The following DAAM2 variants were observed in gnomAD, a reference collection of about 807,000 sequenced individuals.
DAAM2 encodes dishevelled associated activator of morphogenesis 2.
In DAAM2, 39 loss-of-function variants were observed where a neutral mutation model predicts 120.7. That is an observed-to-expected ratio of 0.32 (90% CI 0.25 to 0.42). DAAM2 has a LOEUF of 0.42. DAAM2 is among the 10% of genes least tolerant of loss of function. The pLI, the probability that DAAM2 is intolerant of heterozygous loss-of-function variation, is 1.00. For synonymous variants in DAAM2, 488 were observed against 524.9 expected (o/e 0.93, Z 0.96); for missense variants, 1,283 against 1,401.7 (o/e 0.92, Z 1.35).
chr6:39,887,752 T>G, intron 16 of DAAM2, 160 bp downstream of exon 16: 1 of 578,798 alleles, frequency 1.7e-6, no homozygotes. Flanking sequence ...GAGCAGCAGT[T>G]TGGGGCTCTG....
At chr6:39,806,288 A>G (rs1762008129) in intron 1 of DAAM2, among the ~76,000 whole-genome samples, 3 of 152,184 alleles carry the variant, frequency 2.0e-5, no homozygotes, top group Admixed American at 2.0e-4. Flanking sequence ...GACATTGTGG[A>G]GTCTCCTTCC....
intron 1 of DAAM2, among the ~76,000 whole-genome samples, chr6:39,809,259 G>T (rs185757248): frequency 6.6e-6 from 1 of 152,184 alleles, no homozygotes; most frequent in Admixed American, 6.5e-5. Context: ...TAGCAGAAAC[G>T]TAATGGGGGA....
At chr6:39,864,359 G>A (rs937892448) in intron 3 of DAAM2, 74 bp from the exon 4 acceptor site, 23 of 1,170,544 alleles carry the variant, frequency 2.0e-5, no homozygotes, top group Non-Finnish European at 2.4e-5. Context: ...CTGCTGACAC[G>A]GAATGAAGCT....
chr6:39,897,172 C>A lies in DAAM2; in HGVS notation c.2511-3C>A. ...TTACCACTGACCTGACTTTCATCCA[C>A]AGAAACATCTCTCTGCTCCATTACC... On this transcript the variant is annotated splice_polypyrimidine_tract_variant and splice_region_variant and intron_variant, in intron 20 of 24. Transcript: ENST00000274867. The A allele has an allele frequency of 6.2e-7, 1 of 1,610,332 alleles. No homozygotes were observed. Among genetic ancestry groups the A allele is most frequent in the Non-Finnish European group, 8.5e-7 (1 of 1,176,724 alleles).
chr6:39,871,439 G>T, intron 8 of DAAM2, 67 bp from the exon 9 acceptor site: 6 of 1,442,076 alleles, frequency 4.2e-6, no homozygotes, highest in Non-Finnish European at 5.7e-6. Flanking sequence ...CGAAGGGGCT[G>T]TAACCCTCAA....
chr6:39,893,668 G>A (rs1765886892), intron 19 of DAAM2, among the ~76,000 whole-genome samples: 1 of 152,202 alleles, frequency 6.6e-6, no homozygotes, highest in Non-Finnish European at 1.5e-5. Flanking sequence ...TAATTGCTCT[G>A]TATAGCAATG....
chr6:39,833,157 T>G (rs2114212058), intron 1 of DAAM2, among the ~76,000 whole-genome samples: 1 of 152,288 alleles, frequency 6.6e-6, no homozygotes, highest in South Asian at 2.1e-4. Flanking sequence ...AACCACCCCC[T>G]CCTCTCTTCT....
intron 3 of DAAM2, 184 bp downstream of exon 3, chr6:39,861,201 AG>A (rs752111198): frequency 1.5e-6 from 1 of 682,064 alleles, no homozygotes; most frequent in South Asian, 1.5e-5. Context: ...TTACACTCAA[AG>A]AAATAGGATT....
chr6:39,828,886 A>T (rs778516638), intron 1 of DAAM2, among the ~76,000 whole-genome samples: 5 of 152,176 alleles, frequency 3.3e-5, no homozygotes, highest in Non-Finnish European at 5.9e-5. Flanking sequence ...ACTTCCCAAA[A>T]GGCCCCACCC....
chr6:39,868,859 T>A lies in DAAM2; in HGVS notation c.799T>A (p.Tyr267Asn), dbSNP rs2149309760. Residue 267 changes from tyrosine (Y) to asparagine (N), a missense_variant, in exon 7 of 25, where the codon TAC becomes AAC. Tyr to Asn is a moderately radical substitution (Grantham distance 143). This residue lies in a region of DAAM2 where 338 missense variants were observed against 443.9 expected (regional missense o/e 0.76). Coordinates refer to ENST00000274867, the MANE Select transcript of DAAM2 (RefSeq NM_001201427.2). ...CGAGCTAGACCGAAGTCTGGGCCGG[T>A]ACCGGGATGAAGTGAATCTGAAAAC... ...LNELDRSLGR[Y>N]RDEVNLKTAI... is the part of the protein sequence containing the mutation. 1 of 1,588,064 alleles carries A rather than the reference T, an allele frequency of 6.3e-7. No homozygotes were observed. Among genetic ancestry groups the A allele is most frequent in the Non-Finnish European group, 8.6e-7 (1 of 1,167,120 alleles).
At chr6:39,882,630 C>T (rs1296785733) in intron 14 of DAAM2, among the ~76,000 whole-genome samples, 2 of 151,996 alleles carry the variant, frequency 1.3e-5, no homozygotes, top group Non-Finnish European at 2.9e-5. Context: ...ATCTCTCTGC[C>T]TCCCACACCC....
At position 39,841,390 on chromosome 6, in the gene DAAM2, G is replaced by C. The variant is rs180972690; in HGVS notation, c.-56-14857G>C. ...GTCCCAGGGGGAGGGTTCCAGGGGGGAGGGAACTCCTTGGGGAAAGGTGGG... is the reference window on the plus strand; with the variant it reads ...GTCCCAGGGGGAGGGTTCCAGGGGGCAGGGAACTCCTTGGGGAAAGGTGGG... On this transcript the variant is annotated intron_variant, in intron 1 of 24. Coordinates refer to ENST00000274867, the MANE Select transcript of DAAM2 (RefSeq NM_001201427.2). Among the ~76,000 whole-genome samples, 195 of 148,014 alleles carry C rather than the reference G, an allele frequency of 1.3e-3. 2 individuals carry two copies. The highest frequency in any genetic ancestry group is 0.01 in the Admixed American group (156 of 14,920).
Position 39,870,431 on chromosome 6 carries a change from C to T in DAAM2, c.965C>T (p.Ala322Val). The T allele has an allele frequency of 6.4e-7, 1 of 1,571,822 alleles. No homozygotes were observed. ...GACAAGCTCCGGCAACATGAAAATG[C>T]CATCCTGGACAAGTAAGTTCCAAGC... The part of the protein sequence containing the change: ...VIDKLRQHEN[A>V]ILDKHLDFFE... Residue 322 changes from alanine to valine, a missense_variant, in exon 8 of 25, where the codon GCC (alanine) becomes GTC (valine). This residue lies in a region of DAAM2 where 338 missense variants were observed against 443.9 expected (regional missense o/e 0.76). Coordinates refer to ENST00000274867, the MANE Select transcript of DAAM2 (RefSeq NM_001201427.2).
chr6:39,845,467 A>C (rs1763548543), intron 1 of DAAM2, among the ~76,000 whole-genome samples: 1 of 115,340 alleles, frequency 8.7e-6, no homozygotes, highest in South Asian at 3.3e-4. Context: ...TATATGTACC[A>C]CACCACATAC....
intron 1 of DAAM2, among the ~76,000 whole-genome samples, chr6:39,806,816 T>C (rs1449146509): frequency 7.0e-6 from 1 of 143,276 alleles, no homozygotes; most frequent in African/African-American, 2.6e-5. Flanking sequence ...ACAAGGAGAC[T>C]CTGTTTTATA....
At chr6:39,804,677 T>A (rs3008793) in intron 1 of DAAM2, among the ~76,000 whole-genome samples, 136,509 of 152,186 alleles carry the variant, frequency 0.9, 62,451 homozygotes, top group Non-Finnish European at 0.99. Context: ...CCAGCCTTCC[T>A]CTAATTAGCT....
In DAAM2 at chr6:39,839,032, C is replaced by T. The variant is rs530339092; in HGVS notation, c.-56-17215C>T. ...ACTGCTCACCCTAGTGGTCCCCCCT[C>T]TCTCTCCTCCCACAGAGATTGTTTT... On this transcript the variant is annotated intron_variant, in intron 1 of 24. Transcript: ENST00000274867. Among the ~76,000 whole-genome samples the T allele has an allele frequency of 9.3e-3, 1,418 of 152,122 alleles. 14 individuals are homozygous for T. Among genetic ancestry groups the T allele is most frequent in the Middle Eastern group, 0.041 (12 of 294 alleles).
intron 1 of DAAM2, among the ~76,000 whole-genome samples, chr6:39,849,749 A>G (rs1763735839): frequency 6.6e-6 from 1 of 152,162 alleles, no homozygotes; most frequent in East Asian, 1.9e-4. Flanking sequence ...GATGGTCTGC[A>G]GAGGCTTGGG....
intron 10 of DAAM2, 143 bp from the exon 11 acceptor site, chr6:39,875,187 C>T (rs890954375): frequency 3.7e-6 from 3 of 810,810 alleles, no homozygotes; most frequent in Non-Finnish European, 3.9e-6. Flanking sequence ...TCAGCAATGG[C>T]ATTGCCTCTT....
Sources: allele counts gnomAD v4.1 joint callset (sites outside exome capture counted in the v4.1 genomes callset), GRCh38; gene constraint gnomAD v4.1.1; regional missense constraint gnomAD v4.1.1; transcripts MANE v1.5; gene names NCBI Gene and HGNC (gene_info 2026-07-23, HGNC 2026-07-21).